Variants in CCDC80 observed in about 807,000 individuals in gnomAD.
CCDC80 encodes the protein coiled-coil domain containing 80.
In CCDC80, 49 loss-of-function variants were observed where a neutral mutation model predicts 78.7. The ratio of observed to expected loss-of-function variants is 0.62; its 90% confidence interval spans 0.50 to 0.79. The LOEUF (loss-of-function observed/expected upper bound fraction) is 0.79, where lower values mean the gene tolerates loss of function less well. CCDC80 is among the 30% of genes least tolerant of loss of function. The probability of loss-of-function intolerance (pLI) is 0.00; values close to 1 mark genes in which losing one functional copy is unlikely to be tolerated. For missense variants in CCDC80, 1,205 were observed against 1,198.6 expected (o/e 1.01, Z -0.08); for synonymous variants, 488 against 447.0 (o/e 1.09, Z -1.16).
At chr3:112,637,501 A>G (rs1205736844) in intron 2 of CCDC80, among the ~76,000 whole-genome samples, 2 of 152,194 alleles carry the variant, frequency 1.3e-5, no homozygotes, top group Non-Finnish European at 2.9e-5. Context: ...GAGCACTCCA[A>G]TGTTGATATA....
At chr3:112,623,426 A>T (rs1298297617) in intron 3 of CCDC80, among the ~76,000 whole-genome samples, 1 of 152,124 alleles carries the variant, frequency 6.6e-6, no homozygotes, top group South Asian at 2.1e-4. Context: ...AGGCAATTCC[A>T]CTAATGCCTG....
intron 3 of CCDC80, among the ~76,000 whole-genome samples, chr3:112,622,184 C>T (rs1935881461): frequency 6.6e-6 from 1 of 152,224 alleles, no homozygotes; most frequent in African/African-American, 2.4e-5. Flanking sequence ...TAAAGGCAAA[C>T]TTTGCTTTAC....
intron 5 of CCDC80, chr3:112,610,377 T>A (rs1227457905): frequency 2.4e-6 from 1 of 411,266 alleles, no homozygotes; most frequent in African/African-American, 2.0e-5. Context: ...AACTCTCAGA[T>A]GCAATGAAGA....
At position 112,637,552 on chromosome 3, in the gene CCDC80, T is replaced by C. The variant is rs560397262; in HGVS notation, c.1878+476A>G. Among the ~76,000 whole-genome samples the C allele has an allele frequency of 1.1e-4, 16 of 152,316 alleles. No individual in the cohort carries two copies. In the South Asian group the frequency reaches 1.2e-3, roughly 12 times the overall value. On this transcript the variant is annotated intron_variant, in intron 2 of 7. Coordinates refer to ENST00000206423, the MANE Select transcript of CCDC80 (RefSeq NM_199511.3). ...AGAGGGGACCTCTGCTATTGTCCCATAGACATGATTCTAGTTCCTAAGTCA... is the reference window on the plus strand; with the variant it reads ...AGAGGGGACCTCTGCTATTGTCCCACAGACATGATTCTAGTTCCTAAGTCA...
At chr3:112,622,075 G>A (rs1052639029) in intron 3 of CCDC80, among the ~76,000 whole-genome samples, 1 of 152,166 alleles carries the variant, frequency 6.6e-6, no homozygotes, top group South Asian at 2.1e-4. Context: ...ATAGAGTGAG[G>A]TTAGGACTCA....
intron 3 of CCDC80, among the ~76,000 whole-genome samples, chr3:112,622,968 G>A (rs1002676275): frequency 1.2e-4 from 18 of 151,662 alleles, no homozygotes; most frequent in Middle Eastern, 3.4e-3. Context: ...GAGCTACCAC[G>A]CCCAGCCAGA....
In CCDC80 at chr3:112,607,224, C is replaced by T. The variant is rs1241196541; in HGVS notation, c.2458G>A (p.Gly820Ser). Residue 820 changes from glycine (G) to serine (S), a missense_variant, in exon 7 of 8, where the codon GGC becomes AGC. Gly to Ser is a moderately conservative substitution (Grantham distance 56). Coordinates refer to ENST00000206423, the MANE Select transcript of CCDC80 (RefSeq NM_199511.3). The stretch of plus-strand genomic sequence containing the variant: ...ACTCCCCCAACTTCCTCTCCAACGC[C>T]TAAAAGCTTCAGAATGGTTATGTGG... ...LRHITILKLL[G>S]VGEEVGGVLE... The T allele has an allele frequency of 1.2e-6, 2 of 1,613,906 alleles. No individual in the cohort carries two copies. The highest frequency in any genetic ancestry group is 2.2e-5 in the East Asian group (1 of 44,874).
Position 112,638,807 on chromosome 3 carries a change from G to C in CCDC80, c.1099C>G (p.Arg367Gly), listed in dbSNP as rs1412000335. 1 of 1,613,868 alleles carries C rather than the reference G, an allele frequency of 6.2e-7. No individual in the cohort carries two copies. Residue 367 changes from arginine (R) to glycine (G), a missense_variant, in exon 2 of 8, where the codon CGG becomes GGG. By Grantham distance (125) the Arg-to-Gly change is moderately radical. Transcript: ENST00000206423. ...GGTCTTGCAGCAACTGTTACCGCCC[G>C]GGACGTGGACCGAGTCACTGTTGTG... Reference protein sequence around the residue: ...PATTVTRSTSRAVTVAARPMT... With the variant: ...PATTVTRSTSGAVTVAARPMT...
Position 112,638,363 on chromosome 3 carries a change from G to T in CCDC80, c.1543C>A (p.Pro515Thr). ...TCGTCCTCCAGCTGAGAGGCAGTAGGCCGGCTGAGGTCATACTTCTCCTCA... is the reference window on the plus strand; with the variant it reads ...TCGTCCTCCAGCTGAGAGGCAGTAGTCCGGCTGAGGTCATACTTCTCCTCA... ...EYEEKYDLSR[P>T]TASQLEDELQ... Residue 515 changes from proline to threonine, a missense_variant, in exon 2 of 8, where the codon CCT (proline) becomes ACT (threonine). Pro to Thr is a conservative substitution (Grantham distance 38, BLOSUM62 -1). Transcript: ENST00000206423. The T allele has an allele frequency of 6.2e-7, 1 of 1,614,026 alleles. No homozygotes were observed. The highest frequency in any genetic ancestry group is 1.1e-5 in the South Asian group (1 of 91,068).
intron 6 of CCDC80, 53 bp downstream of exon 6, chr3:112,609,925 G>T: frequency 4.0e-6 from 5 of 1,258,296 alleles, no homozygotes; most frequent in South Asian, 2.5e-5. Flanking sequence ...TTTTAGAATT[G>T]ACCAGGAGGA....
intron 5 of CCDC80, among the ~76,000 whole-genome samples, chr3:112,616,449 G>GAAAAAAAAAAAAAA (rs59366104): frequency 3.7e-5 from 5 of 133,652 alleles, no homozygotes; most frequent in Non-Finnish European, 8.0e-5. Flanking sequence ...AAAAAGAAAA[G>GAAAAAAAAAAAAAA]AAAAAAAAAA....
At chr3:112,607,596 C>T (rs564346999) in intron 6 of CCDC80, among the ~76,000 whole-genome samples, 34 of 152,200 alleles carry the variant, frequency 2.2e-4, no homozygotes, top group African/African-American at 7.9e-4. Context: ...ACCACCCTGG[C>T]TAACATGGTG....
At chr3:112,631,552 A>C (rs1222667150) in intron 2 of CCDC80, among the ~76,000 whole-genome samples, 1 of 152,188 alleles carries the variant, frequency 6.6e-6, no homozygotes, top group African/African-American at 2.4e-5. Flanking sequence ...ATTTGACTAC[A>C]TTCAAATGTA....
intron 5 of CCDC80, among the ~76,000 whole-genome samples, chr3:112,613,344 A>G (rs530669640): frequency 9.9e-4 from 151 of 152,332 alleles, no homozygotes; most frequent in African/African-American, 3.4e-3. Context: ...GTAATTATAT[A>G]TATCTCTGAA....
chr3:112,619,234 T>A (rs777964641), intron 3 of CCDC80, 130 bp from the exon 4 acceptor site: 3 of 810,056 alleles, frequency 3.7e-6, no homozygotes, highest in Non-Finnish European at 5.3e-6. Context: ...TCACGTTGTG[T>A]TTGAACAAAA....
rs573735727 is a variant in CCDC80, at chr3:112,608,362, T to C, written c.2426-1106A>G. Among the ~76,000 whole-genome samples the C allele has an allele frequency of 3.3e-5, 5 of 152,366 alleles. 1 individual carries two copies. The East Asian group carries it at 9.6e-4, about 29-fold the overall frequency. On this transcript the variant is annotated intron_variant, in intron 6 of 7. Transcript: ENST00000206423. ...AAATGCTATTCAAAAAAATTTTTTTTTCACCTTTACTCTTTTCCCAGAGAA... is the reference window on the plus strand; with the variant it reads ...AAATGCTATTCAAAAAAATTTTTTTCTCACCTTTACTCTTTTCCCAGAGAA...
At chr3:112,608,024 T>C (rs958526292) in intron 6 of CCDC80, among the ~76,000 whole-genome samples, 1 of 152,238 alleles carries the variant, frequency 6.6e-6, no homozygotes, top group Non-Finnish European at 1.5e-5. Flanking sequence ...GGAAGACATT[T>C]AAGCAAGCAC....
chr3:112,625,078 A>G (rs1438801064), intron 3 of CCDC80, among the ~76,000 whole-genome samples: 1 of 152,238 alleles, frequency 6.6e-6, no homozygotes, highest in Non-Finnish European at 1.5e-5. Flanking sequence ...GATGAAAAAG[A>G]TGACAACGCA....
chr3:112,638,654 A>G lies in CCDC80; in HGVS notation c.1252T>C (p.Ser418Pro). 1 of 1,613,556 alleles carries G rather than the reference A, an allele frequency of 6.2e-7. No homozygotes were observed. Among genetic ancestry groups the G allele is most frequent in the Non-Finnish European group, 8.5e-7 (1 of 1,179,908 alleles). ...CTCTCCCTGTGCTGATCCTTCCGGG[A>G]TGGAGGGTAAAGATTCTCTGAAACT... ...PSVSENLYPP[S>P]RKDQHRERPQ... is the part of the protein sequence containing the mutation. Residue 418 changes from serine (S) to proline (P), a missense_variant, in exon 2 of 8, where the codon TCC becomes CCC. Coordinates refer to ENST00000206423, the MANE Select transcript of CCDC80 (RefSeq NM_199511.3).
Sources: allele counts gnomAD v4.1 joint callset (sites outside exome capture counted in the v4.1 genomes callset), GRCh38; gene constraint gnomAD v4.1.1; transcripts MANE v1.5; gene names NCBI Gene and HGNC (gene_info 2026-07-23, HGNC 2026-07-21).